MYT1L: variants seen among roughly 807,000 people sequenced by gnomAD.
The protein encoded by MYT1L is myelin transcription factor 1-like protein.
A neutral mutation model predicts 126.7 loss-of-function variants in MYT1L; 12 were observed. That is an observed-to-expected ratio of 0.09 (90% CI 0.06 to 0.15). MYT1L has a LOEUF of 0.15. Ranked by LOEUF, MYT1L falls within the 10% of genes least tolerant of loss-of-function variation. MYT1L has a pLI of 1.00. For synonymous variants in MYT1L, 541 were observed against 604.2 expected, an observed-to-expected ratio of 0.90 and a Z score of 1.53; for missense variants, 979 against 1,585.2, an observed-to-expected ratio of 0.62 and a Z score of 6.49.
At chr2:2,017,979 A>T (rs192939004) in intron 4 of MYT1L, among the ~76,000 whole-genome samples, 3 of 152,302 alleles carry the variant, frequency 2.0e-5, no homozygotes, top group Non-Finnish European at 2.9e-5. Flanking sequence ...TTTGTACACA[A>T]GCACTACACT....
intron 2 of MYT1L, among the ~76,000 whole-genome samples, chr2:2,232,330 CACA>C (rs774670595): frequency 2.0e-5 from 3 of 152,252 alleles, no homozygotes; most frequent in Non-Finnish European, 4.4e-5. Flanking sequence ...CTGTGACAAA[CACA>C]ACAAGAACTC....
At chr2:2,049,557 T>C (rs2068579807) in intron 4 of MYT1L, among the ~76,000 whole-genome samples, 2 of 149,200 alleles carry the variant, frequency 1.3e-5, no homozygotes, top group Admixed American at 6.6e-5. Flanking sequence ...ATTATGAATA[T>C]AGATAGATAG....
At chr2:2,313,560 T>C (rs1316899335) in intron 1 of MYT1L, among the ~76,000 whole-genome samples, 2 of 152,080 alleles carry the variant, frequency 1.3e-5, no homozygotes, top group African/African-American at 4.8e-5. Flanking sequence ...AGATAGAACA[T>C]TTCTCTTCAA....
At chr2:2,037,325 A>G (rs1317347113) in intron 4 of MYT1L, among the ~76,000 whole-genome samples, 2 of 152,226 alleles carry the variant, frequency 1.3e-5, no homozygotes, top group Non-Finnish European at 2.9e-5. Context: ...CCCAGCACAG[A>G]GCATGGCTGA....
intron 3 of MYT1L, among the ~76,000 whole-genome samples, chr2:2,095,010 C>G (rs1051652362): frequency 1.3e-5 from 2 of 152,184 alleles, no homozygotes; most frequent in Non-Finnish European, 2.9e-5. Context: ...GCCGTGTCTC[C>G]AAGGAACCCA....
At chr2:1,898,217 C>T (rs970831697) in intron 14 of MYT1L, among the ~76,000 whole-genome samples, 4 of 152,158 alleles carry the variant, frequency 2.6e-5, no homozygotes, top group Non-Finnish European at 5.9e-5. Context: ...GAAAACCAGA[C>T]AAATGCAATC....
chr2:1,890,183 T>C (rs542845435), intron 15 of MYT1L, among the ~76,000 whole-genome samples: 5 of 152,078 alleles, frequency 3.3e-5, no homozygotes, highest in African/African-American at 9.6e-5. Flanking sequence ...AATTCTCCTG[T>C]CTCAGCTTCC....
At chr2:2,311,603 A>G (rs2095971836) in intron 1 of MYT1L, among the ~76,000 whole-genome samples, 1 of 152,146 alleles carries the variant, frequency 6.6e-6, no homozygotes, top group Admixed American at 6.5e-5. Flanking sequence ...CCTCCGTGTG[A>G]ACAGGAGTGT....
intron 3 of MYT1L, among the ~76,000 whole-genome samples, chr2:2,057,541 T>G (rs1478912150): frequency 6.6e-6 from 1 of 152,126 alleles, no homozygotes; most frequent in Non-Finnish European, 1.5e-5. Context: ...ACCCCCACCA[T>G]CTTTTTTCAT....
chr2:2,281,245 C>G (rs771148753), intron 2 of MYT1L, among the ~76,000 whole-genome samples: 1 of 152,154 alleles, frequency 6.6e-6, no homozygotes, highest in Admixed American at 6.5e-5. Flanking sequence ...TGCCTTCTGC[C>G]GTGATTGCAA....
At chr2:2,184,390 G>C (rs950892235) in intron 2 of MYT1L, among the ~76,000 whole-genome samples, 1 of 152,178 alleles carries the variant, frequency 6.6e-6, no homozygotes, top group East Asian at 1.9e-4. Context: ...TAAAGGTTGG[G>C]ACAGAACGGA....
intron 3 of MYT1L, among the ~76,000 whole-genome samples, chr2:2,055,994 C>T (rs527598836): frequency 6.6e-6 from 1 of 152,266 alleles, no homozygotes; most frequent in South Asian, 2.1e-4. Context: ...AGCCGCAGTC[C>T]CAGTGCCTCA....
At chr2:1,895,237 T>C (rs952013335) in intron 14 of MYT1L, among the ~76,000 whole-genome samples, 1 of 152,208 alleles carries the variant, frequency 6.6e-6, no homozygotes, top group Middle Eastern at 3.2e-3. Context: ...ATGTCTCATG[T>C]TCATGAATTG....
At chr2:2,292,874 G>A (rs981891508) in intron 1 of MYT1L, among the ~76,000 whole-genome samples, 5 of 152,136 alleles carry the variant, frequency 3.3e-5, no homozygotes, top group African/African-American at 1.2e-4. Context: ...TTTGAGATAA[G>A]GAGAGTGGGA....
chr2:2,175,275 G>C (rs2090603685), intron 2 of MYT1L, among the ~76,000 whole-genome samples: 1 of 152,078 alleles, frequency 6.6e-6, no homozygotes, highest in Non-Finnish European at 1.5e-5. Context: ...TTTCCTGGAG[G>C]TATCAGCATC....
At chr2:1,815,176 C>A (rs2037423282) in intron 21 of MYT1L, among the ~76,000 whole-genome samples, 1 of 152,142 alleles carries the variant, frequency 6.6e-6, no homozygotes, top group African/African-American at 2.4e-5. Flanking sequence ...GCTCAGTGAG[C>A]TCCGGCCGCC....
intron 3 of MYT1L, among the ~76,000 whole-genome samples, chr2:2,099,753 T>C (rs1168865101): frequency 1.3e-5 from 2 of 152,264 alleles, no homozygotes; most frequent in African/African-American, 4.8e-5. Context: ...GAAAAGGTAC[T>C]TCTGCTGCAA....
At chr2:2,277,870 G>GA (rs141462376) in intron 2 of MYT1L, among the ~76,000 whole-genome samples, 7 of 151,744 alleles carry the variant, frequency 4.6e-5, no homozygotes, top group African/African-American at 1.2e-4. Context: ...TTAATTTGAA[G>GA]AAAAAAAACT....
chr2:2,314,487 T>A (rs1326123267), intron 1 of MYT1L, among the ~76,000 whole-genome samples: 1 of 152,232 alleles, frequency 6.6e-6, no homozygotes, highest in African/African-American at 2.4e-5. Context: ...ATTCCACATG[T>A]TCACCAGTTC....
Sources: gnomAD v4.1 joint callset for allele counts (sites outside exome capture counted in the v4.1 genomes callset) on GRCh38, gnomAD v4.1.1 for gene constraint, MANE v1.5 for transcripts, NCBI Gene and HGNC (gene_info 2026-07-23, HGNC 2026-07-21) for gene names.